Variants in KLC4 observed in about 807,000 individuals in gnomAD.
KLC4 encodes the protein kinesin-like protein 8.
KLC4 carries 49 observed loss-of-function variants against 77.2 expected under a neutral mutation model. The ratio of observed to expected loss-of-function variants is 0.63; its 90% CI spans 0.50 to 0.80. The LOEUF is 0.80. Ranked by LOEUF, KLC4 falls within the 30% of genes least tolerant of loss-of-function variation. The pLI is 0.00. For synonymous variants in KLC4, 274 were observed against 314.5 expected (o/e 0.87, Z 1.36); for missense variants, 669 against 793.5 (o/e 0.84, Z 1.89).
At chr6:43,061,628 G>A in intron 2 of KLC4, 35 bp downstream of exon 2, 3 of 1,581,716 alleles carry the variant, frequency 1.9e-6, no homozygotes, top group Non-Finnish European at 1.7e-6. Context: ...GTGGTCCAGG[G>A]TGGATGGAGG....
At position 43,071,011 on chromosome 6, in the gene KLC4, ATG is replaced by A. The variant is rs1385948770; in HGVS notation, c.1155+148_1155+149del. The A allele has an allele frequency of 2.0e-5, 16 of 797,564 alleles. No individual in the cohort carries two copies. The Admixed American group carries it at 4.5e-4, about 23-fold the overall frequency. 49.4% of individuals were successfully genotyped at this position (797,564 alleles called of 1,614,324 possible). A position where few individuals can be genotyped will look rare whatever the true frequency, so the allele number is the denominator to read the frequency against. On this transcript the variant is annotated intron_variant, in intron 8 of 15. Transcript: ENST00000347162. ...CACTGCTCTCATCAACTTTGTGCTC[ATG>A]TCTGGGGCTGCCTTTGCGGATGAAG...
chr6:43,071,857 G>A lies in KLC4; in HGVS notation c.1314G>A (p.Arg438=). The change falls in exon 11 of 16, where the codon CGG becomes CGA. Residue 438 remains arginine (R), a synonymous_variant. Coordinates refer to ENST00000347162, the MANE Select transcript of KLC4 (RefSeq NM_201521.3). Reference sequence around the variant, plus strand: ...GGCCTCTCTCTGTCCTGCAGAGCCGGCACCATGAGGGTGGGACACCCTATG... The same window carrying A: ...GGCCTCTCTCTGTCCTGCAGAGCCGACACCATGAGGGTGGGACACCCTATG... ...AEEREEMSKS[R]HHEGGTPYAE... is the part of the protein sequence containing the mutation. 1 of 1,612,024 alleles carries A rather than the reference G, an allele frequency of 6.2e-7. No homozygotes were observed. The highest frequency in any genetic ancestry group is 8.5e-7 in the Non-Finnish European group (1 of 1,179,622).
chr6:43,067,116 C>T (rs770653521), intron 6 of KLC4, 33 bp downstream of exon 6: 2 of 1,606,950 alleles, frequency 1.2e-6, no homozygotes, highest in East Asian at 2.2e-5. Context: ...ACCCCACGCC[C>T]CGCACCCCCC....
Position 43,074,876 on chromosome 6 carries a change from C to G in KLC4, c.*204C>G. Reference sequence around the variant, plus strand: ...GGACCCTCAGGACACCCTCTCTGCACCCTGTGGTCCTCTAGAGTAGCTAGC... The same window carrying G: ...GGACCCTCAGGACACCCTCTCTGCAGCCTGTGGTCCTCTAGAGTAGCTAGC... On this transcript the variant is annotated 3_prime_UTR_variant, in exon 16 of 16. Coordinates refer to ENST00000347162, the MANE Select transcript of KLC4 (RefSeq NM_201521.3). The G allele has an allele frequency of 1.7e-6, 1 of 587,988 alleles. No homozygotes were observed. Among genetic ancestry groups the G allele is most frequent in the Non-Finnish European group, 3.1e-6 (1 of 326,958 alleles). 36.4% of individuals were successfully genotyped at this position (587,988 alleles called of 1,614,324 possible). A position where few individuals can be genotyped will look rare whatever the true frequency, so the allele number is the denominator to read the frequency against.
At chr6:43,060,179 G>A in intron 1 of KLC4, 1 of 1,613,708 alleles carries the variant, frequency 6.2e-7, no homozygotes, top group East Asian at 2.2e-5. Context: ...CTCAGAGCCT[G>A]TTTGTAGGTG....
In KLC4 at chr6:43,059,771, C is replaced by T. The variant is rs1297289282; in HGVS notation, c.-26+86C>T. On this transcript the variant is annotated intron_variant, in intron 1 of 15. Coordinates refer to ENST00000347162, the MANE Select transcript of KLC4 (RefSeq NM_201521.3). ...CACTACCAGAAAGATGAACAAACCC[C>T]CTCCAACCAACCTTACAAAACTCCA... The T allele has an allele frequency of 4.2e-6, 5 of 1,199,430 alleles. No homozygotes were observed. The Admixed American group carries it at 1.3e-4, about 30-fold the overall frequency. 74.3% of individuals were successfully genotyped at this position (1,199,430 alleles called of 1,614,324 possible).
At position 43,074,777 on chromosome 6, in the gene KLC4, G is replaced by T; in HGVS notation, c.*105G>T. On this transcript the variant is annotated 3_prime_UTR_variant, in exon 16 of 16. Transcript: ENST00000347162. ...CCCCACCCCTAGGTGGGACAGTGAA[G>T]GGGAGCAGTTTAACCAGAAGATTGC... 1 of 937,214 alleles carries T rather than the reference G, an allele frequency of 1.1e-6. No individual in the cohort carries two copies. Among genetic ancestry groups the T allele is most frequent in the African/African-American group, 1.6e-5 (1 of 62,056 alleles). The allele number at this position is 937,214 out of a possible 1,614,324, so 58.1% of individuals were successfully genotyped here.
At chr6:43,063,236 C>A (rs1279415576) in intron 3 of KLC4, 89 bp downstream of exon 3, 2 of 989,072 alleles carry the variant, frequency 2.0e-6, no homozygotes, top group Non-Finnish European at 3.0e-6. Flanking sequence ...TCCTCAGGGT[C>A]CATCAGCTCT....
chr6:43,070,015 C>CA (rs1389476566), intron 6 of KLC4, among the ~76,000 whole-genome samples: 2 of 150,484 alleles, frequency 1.3e-5, no homozygotes, highest in Non-Finnish European at 2.9e-5. Flanking sequence ...AAAAAATTGG[C>CA]AGAGCTGTCC....
At chr6:43,069,001 G>A (rs543100404) in intron 6 of KLC4, among the ~76,000 whole-genome samples, 1 of 152,094 alleles carries the variant, frequency 6.6e-6, no homozygotes, top group African/African-American at 2.4e-5. Flanking sequence ...CCAGGTACTC[G>A]GGAGGCTGAG....
Position 43,061,160 on chromosome 6 carries a change from C to G in KLC4, c.-25-151C>G. On this transcript the variant is annotated intron_variant, in intron 1 of 15. Coordinates refer to ENST00000347162, the MANE Select transcript of KLC4 (RefSeq NM_201521.3). ...AGCTTTGAGTTTAGTGATCTAAGCT[C>G]CCTGCCTGCTGGTCACTCTCTCTCT... is the stretch of plus-strand genomic sequence containing the variant. 5.2e-6 allele frequency: 4 copies of G among 762,798 alleles called. No homozygotes were observed. In the South Asian group the frequency reaches 7.1e-5, roughly 14 times the overall value. The allele number at this position is 762,798 out of a possible 1,614,324, so 47.3% of individuals were successfully genotyped here.
At chr6:43,074,012 C>A in intron 15 of KLC4, 47 bp downstream of exon 15, 1 of 1,474,992 alleles carries the variant, frequency 6.8e-7, no homozygotes, top group African/African-American at 1.4e-5. Flanking sequence ...GAAAAAAGGA[C>A]AGCCAGTGAG....
chr6:43,072,966 T>TAA lies in KLC4; in HGVS notation c.1629+3_1629+4dup, dbSNP rs1765803539. ...TCTGTGGCTGTGGAGTGGTCCGGGG[T>TAA]AAGTCTGATCATTGCCTTTTCATCT... On this transcript the variant is annotated splice_region_variant and intron_variant, in intron 13 of 15. Transcript: ENST00000347162. 1 of 1,587,770 alleles carries TAA rather than the reference T, an allele frequency of 6.3e-7. No individual in the cohort carries two copies. The highest frequency in any genetic ancestry group is 1.4e-5 in the African/African-American group (1 of 73,968).
chr6:43,060,378 T>C, intron 1 of KLC4: 1 of 1,554,298 alleles, frequency 6.4e-7, no homozygotes, highest in Non-Finnish European at 8.7e-7. Context: ...GAGACGGGAA[T>C]TGGGCGTCTT....
chr6:43,067,261 C>CGA, intron 6 of KLC4, 178 bp downstream of exon 6: 1 of 1,285,158 alleles, frequency 7.8e-7, no homozygotes, highest in East Asian at 2.9e-5. Flanking sequence ...TCTCAATTCT[C>CGA]TGAGACTCAG....
At chr6:43,074,311 A>G (rs1198509445) in intron 15 of KLC4, 1 of 456,246 alleles carries the variant, frequency 2.2e-6, no homozygotes, top group African/African-American at 2.0e-5. Flanking sequence ...TGGAAAAAGA[A>G]AAGTATTAAA....
chr6:43,062,891 G>A (rs748204791), intron 2 of KLC4, 26 bp from the exon 3 acceptor site: 1 of 1,596,226 alleles, frequency 6.3e-7, no homozygotes, highest in Non-Finnish European at 8.6e-7. Flanking sequence ...CCCAGAATCT[G>A]GAGCTCAGGG....
intron 11 of KLC4, 73 bp downstream of exon 11, chr6:43,071,995 CT>C: frequency 2.0e-6 from 3 of 1,480,474 alleles, no homozygotes; most frequent in Non-Finnish European, 2.8e-6. Context: ...CCTCCCAGAC[CT>C]TTTCCCTTCC....
Position 43,060,526 on chromosome 6 carries a change from C to T in KLC4, c.-25-785C>T, listed in dbSNP as rs999955157. 8 of 1,288,502 alleles carry T rather than the reference C, an allele frequency of 6.2e-6. No individual in the cohort carries two copies. The African/African-American group carries it at 9.1e-5, about 15-fold the overall frequency. The allele number at this position is 1,288,502 out of a possible 1,614,324, so 79.8% of individuals were successfully genotyped here. A position where few individuals can be genotyped will look rare whatever the true frequency, so the allele number is the denominator to read the frequency against. ...TTCTGGACTTTGGGCAGGGCAGATC[C>T]TCTGACTCTCTGGCTGCAGAACAGT... On this transcript the variant is annotated intron_variant, in intron 1 of 15. Coordinates refer to ENST00000347162, the MANE Select transcript of KLC4 (RefSeq NM_201521.3).
Sources: allele counts gnomAD v4.1 joint callset (sites outside exome capture counted in the v4.1 genomes callset), GRCh38; gene constraint gnomAD v4.1.1; transcripts MANE v1.5; gene names NCBI Gene and HGNC (gene_info 2026-07-23, HGNC 2026-07-21).